Variants in SLIT3 observed in about 807,000 individuals in gnomAD.
SLIT3 encodes slit homolog 3 protein.
In SLIT3, 68 loss-of-function variants were observed where a neutral mutation model predicts 184.0. The ratio of observed to expected loss-of-function variants is 0.37; its 90% CI spans 0.30 to 0.45. The LOEUF (loss-of-function observed/expected upper bound fraction) is 0.45, where lower values mean the gene tolerates loss of function less well. Among genes scored for constraint, SLIT3 ranks in the 20% least tolerant of loss-of-function variants. The pLI, the probability that SLIT3 is intolerant of heterozygous loss-of-function variation, is 1.00. For synonymous variants in SLIT3, 831 were observed against 828.6 expected, an observed-to-expected ratio of 1.00 and a Z score of -0.05; for missense variants, 1,707 against 2,026.0, an observed-to-expected ratio of 0.84 and a Z score of 3.02.
chr5:168,990,267 C>A (rs1755275510), intron 4 of SLIT3, among the ~76,000 whole-genome samples: 1 of 152,222 alleles, frequency 6.6e-6, no homozygotes, highest in Non-Finnish European at 1.5e-5. Flanking sequence ...CATCCCCAGT[C>A]AACAAAGGAG....
intron 4 of SLIT3, among the ~76,000 whole-genome samples, chr5:168,927,730 G>A (rs57318538): frequency 0.023 from 3,512 of 152,280 alleles, 130 homozygotes; most frequent in African/African-American, 0.079. Context: ...CCCTTACCAT[G>A]TAGCTTGTCA....
chr5:169,040,346 C>T (rs1190640744), intron 4 of SLIT3, among the ~76,000 whole-genome samples: 2 of 152,202 alleles, frequency 1.3e-5, no homozygotes, highest in East Asian at 1.9e-4. Context: ...GTTATCTTAA[C>T]AGTCCATTTT....
At chr5:168,945,237 G>A (rs1471063581) in intron 4 of SLIT3, among the ~76,000 whole-genome samples, 1 of 141,000 alleles carries the variant, frequency 7.1e-6, no homozygotes, top group Non-Finnish European at 1.5e-5. Flanking sequence ...CTTCGTGATT[G>A]GTATCCACAT....
chr5:168,901,595 C>G (rs1262664897), intron 4 of SLIT3, among the ~76,000 whole-genome samples: 1 of 152,038 alleles, frequency 6.6e-6, no homozygotes, highest in Admixed American at 6.5e-5. Context: ...CCATAATTAT[C>G]AACAAATTTT....
chr5:169,095,086 C>T (rs538203080), intron 4 of SLIT3, among the ~76,000 whole-genome samples: 2 of 152,180 alleles, frequency 1.3e-5, no homozygotes, highest in Non-Finnish European at 2.9e-5. Flanking sequence ...AAAATAATCT[C>T]GGTAGTTTTG....
intron 4 of SLIT3, among the ~76,000 whole-genome samples, chr5:169,138,738 C>T (rs1030835995): frequency 4.6e-5 from 7 of 152,222 alleles, no homozygotes; most frequent in African/African-American, 1.7e-4. Context: ...CGTGCTATCT[C>T]ATGCCCCCAC....
At chr5:168,861,076 A>G (rs900891549) in intron 5 of SLIT3, among the ~76,000 whole-genome samples, 1 of 152,164 alleles carries the variant, frequency 6.6e-6, no homozygotes, top group African/African-American at 2.4e-5. Flanking sequence ...CACATTTTTA[A>G]AAGGAGAAAT....
intron 4 of SLIT3, among the ~76,000 whole-genome samples, chr5:169,092,148 G>T (rs866800447): frequency 6.6e-6 from 1 of 152,272 alleles, no homozygotes; most frequent in East Asian, 1.9e-4. Context: ...GTTTAAACCC[G>T]AGAGGTGGAG....
Position 168,867,118 on chromosome 5 carries a change from G to A in SLIT3, c.485+16147C>T, listed in dbSNP as rs142173479. Among the ~76,000 whole-genome samples the A allele has an allele frequency of 6.0e-3, 917 of 152,298 alleles. 13 individuals carry two copies. Among genetic ancestry groups the A allele is most frequent in the African/African-American group, 0.021 (857 of 41,558 alleles). On this transcript the variant is annotated intron_variant, in intron 5 of 35. Transcript: ENST00000519560. ...ATCAGGATTCAGTTAGTTGCTAACA[G>A]GGCTCAGGAACCTGCATTCTAAATA...
rs1036995604 is a variant in SLIT3, at chr5:168,960,914, G to T, written c.414-77578C>A. ...CAGGAAAGATCTTGGACTGAGGCTA[G>T]GGGCCAGGAAGCAAGGCTTTTGGCA... On this transcript the variant is annotated intron_variant, in intron 4 of 35. Transcript: ENST00000519560. 2.0e-5 allele frequency among the ~76,000 whole-genome samples: 3 copies of T among 152,236 alleles called. No homozygotes were observed. In the South Asian group the frequency reaches 6.2e-4, roughly 31 times the overall value.
chr5:168,837,248 T>C (rs1758082217), intron 6 of SLIT3, among the ~76,000 whole-genome samples: 2 of 152,322 alleles, frequency 1.3e-5, no homozygotes, highest in South Asian at 4.1e-4. Context: ...TCTGGAGATA[T>C]TTTAAGACTT....
In SLIT3 at chr5:169,034,972, G is replaced by C. The variant is rs112836819; in HGVS notation, c.414-151636C>G. ...GTGTGTGTGTGTTTTGGTAGAGACG[G>C]GGTTTTGTCATGTTGCCCAGGCTGG... On this transcript the variant is annotated intron_variant, in intron 4 of 35. Coordinates refer to ENST00000519560, the MANE Select transcript of SLIT3 (RefSeq NM_003062.4). Among the ~76,000 whole-genome samples the C allele has an allele frequency of 9.4e-4, 141 of 150,124 alleles. 1 individual carries two copies. Among genetic ancestry groups the C allele is most frequent in the Admixed American group, 1.6e-3 (24 of 15,006 alleles).
intron 4 of SLIT3, among the ~76,000 whole-genome samples, chr5:168,938,614 C>T (rs1562016578): frequency 6.6e-6 from 1 of 152,094 alleles, no homozygotes; most frequent in East Asian, 1.9e-4. Flanking sequence ...CTGCCTTATC[C>T]TTTTCTCTAC....
chr5:168,879,447 G>A (rs924085341), intron 5 of SLIT3, among the ~76,000 whole-genome samples: 7 of 152,202 alleles, frequency 4.6e-5, no homozygotes, highest in Admixed American at 2.0e-4. Flanking sequence ...TGTGCTAAAT[G>A]TCTCTTATTT....
intron 3 of SLIT3, among the ~76,000 whole-genome samples, chr5:169,208,744 G>A (rs1409691449): frequency 5.9e-5 from 9 of 152,182 alleles, no homozygotes; most frequent in African/African-American, 1.9e-4. Context: ...GCAGAAAACT[G>A]AAACTGGACC....
At chr5:169,123,175 A>G (rs970696540) in intron 4 of SLIT3, among the ~76,000 whole-genome samples, 4 of 152,180 alleles carry the variant, frequency 2.6e-5, no homozygotes, top group African/African-American at 9.7e-5. Context: ...TTGAGGTACT[A>G]AGAAAGGTAA....
intron 10 of SLIT3, chr5:168,790,052 C>A (rs1403010824): frequency 1.1e-4 from 18 of 163,868 alleles, no homozygotes; most frequent in South Asian, 3.6e-4. Context: ...CATCTTCTTG[C>A]CTCATGCCTC....
intron 4 of SLIT3, among the ~76,000 whole-genome samples, chr5:169,143,319 TAGAC>T (rs1761806185): frequency 6.6e-6 from 1 of 152,220 alleles, no homozygotes; most frequent in Non-Finnish European, 1.5e-5. Context: ...CACCAATAGA[TAGAC>T]AGTCTCACCT....
chr5:168,821,094 AGATTGATT>A (rs1757514839), intron 7 of SLIT3, among the ~76,000 whole-genome samples: 1 of 152,174 alleles, frequency 6.6e-6, no homozygotes, highest in African/African-American at 2.4e-5. Flanking sequence ...AGAACAGACG[AGATTGATT>A]GATTGATCTG....
Sources: gnomAD v4.1 joint callset for allele counts (sites outside exome capture counted in the v4.1 genomes callset) on GRCh38, gnomAD v4.1.1 for gene constraint, MANE v1.5 for transcripts, NCBI Gene and HGNC (gene_info 2026-07-23, HGNC 2026-07-21) for gene names.